Variants in TAFA2 observed in about 807,000 individuals in gnomAD.
TAFA2 encodes chemokine-like protein TAFA-2.
In TAFA2, 7 loss-of-function variants were observed where a neutral mutation model predicts 18.8. The observed-to-expected ratio is 0.37, with a 90% confidence interval of 0.21 to 0.70. The LOEUF (loss-of-function observed/expected upper bound fraction) is 0.70, where lower values mean the gene tolerates loss of function less well. Among genes scored for constraint, TAFA2 ranks in the 30% least tolerant of loss-of-function variants. The probability of loss-of-function intolerance (pLI) is 0.53; values close to 1 mark genes in which losing one functional copy is unlikely to be tolerated. For synonymous variants in TAFA2, 60 were observed against 54.2 expected, an observed-to-expected ratio of 1.11 and a Z score of -0.47; for missense variants, 122 against 158.1, an observed-to-expected ratio of 0.77 and a Z score of 1.23.
At chr12:61,891,370 C>T (rs547441827) in intron 1 of TAFA2, among the ~76,000 whole-genome samples, 8 of 152,108 alleles carry the variant, frequency 5.3e-5, no homozygotes, top group South Asian at 2.1e-4. Flanking sequence ...AGAAGGGCTG[C>T]GCGCAGTGGC....
At chr12:62,144,243 T>G (rs1342108416) in intron 1 of TAFA2, among the ~76,000 whole-genome samples, 2 of 152,046 alleles carry the variant, frequency 1.3e-5, no homozygotes, top group Non-Finnish European at 2.9e-5. Flanking sequence ...TTAGGCAACC[T>G]CCTGTAAGAA....
intron 2 of TAFA2, among the ~76,000 whole-genome samples, chr12:61,777,620 T>C (rs937760004): frequency 9.9e-5 from 15 of 151,410 alleles, no homozygotes; most frequent in African/African-American, 3.6e-4. Context: ...GATTCTAGAG[T>C]CAGACTACTT....
chr12:61,876,293 T>C (rs1441555591), intron 1 of TAFA2, among the ~76,000 whole-genome samples: 2 of 152,146 alleles, frequency 1.3e-5, no homozygotes, highest in Non-Finnish European at 1.5e-5. Flanking sequence ...ACCTCAGCTC[T>C]TTCTCCTGCA....
intron 1 of TAFA2, among the ~76,000 whole-genome samples, chr12:61,932,067 C>T (rs1877578409): frequency 6.6e-6 from 1 of 151,998 alleles, no homozygotes; most frequent in Admixed American, 6.6e-5. Context: ...AATTTTATAT[C>T]AGAAAATTAA....
chr12:62,038,354 C>T (rs1881666446), intron 1 of TAFA2, among the ~76,000 whole-genome samples: 1 of 152,186 alleles, frequency 6.6e-6, no homozygotes, highest in Non-Finnish European at 1.5e-5. Flanking sequence ...ACACTATCTT[C>T]CTTCTTTGTC....
chr12:61,739,367 A>C (rs76396410), intron 4 of TAFA2, among the ~76,000 whole-genome samples: 3,054 of 152,124 alleles, frequency 0.02, 119 homozygotes, highest in African/African-American at 0.07. Context: ...CAATGTCTCC[A>C]TCTGTCACTA....
At chr12:61,813,367 TAATC>T (rs961282834) in intron 2 of TAFA2, among the ~76,000 whole-genome samples, 39 of 151,388 alleles carry the variant, frequency 2.6e-4, no homozygotes, top group African/African-American at 3.7e-4. Flanking sequence ...TTTGAAGACT[TAATC>T]TATATAGTAA....
chr12:62,215,852 T>C (rs1462284716), intron 1 of TAFA2, among the ~76,000 whole-genome samples: 1 of 151,658 alleles, frequency 6.6e-6, no homozygotes, highest in African/African-American at 2.4e-5. Flanking sequence ...TCTTATATAA[T>C]AGCAGCTACT....
chr12:62,200,242 G>T (rs571607091), intron 1 of TAFA2, among the ~76,000 whole-genome samples: 51 of 152,252 alleles, frequency 3.3e-4, no homozygotes, highest in Non-Finnish European at 2.9e-5. Flanking sequence ...TTGCTGTGTA[G>T]AAGCTCTTTG....
At chr12:61,929,391 G>A (rs557652608) in intron 1 of TAFA2, among the ~76,000 whole-genome samples, 2 of 151,972 alleles carry the variant, frequency 1.3e-5, no homozygotes, top group African/African-American at 4.8e-5. Context: ...GCAGCCAAAA[G>A]ACACATGAAA....
intron 2 of TAFA2, among the ~76,000 whole-genome samples, chr12:61,819,407 G>A (rs1414219867): frequency 6.6e-6 from 1 of 152,102 alleles, no homozygotes; most frequent in Non-Finnish European, 1.5e-5. Flanking sequence ...GATAAAATGT[G>A]AAGATAAGCA....
intron 1 of TAFA2, among the ~76,000 whole-genome samples, chr12:62,203,050 C>T (rs904514479): frequency 2.6e-5 from 4 of 151,996 alleles, no homozygotes; most frequent in Admixed American, 1.3e-4. Context: ...TCGTCTTGAA[C>T]TCCTGACCTC....
At chr12:62,011,051 C>T (rs1349226259) in intron 1 of TAFA2, among the ~76,000 whole-genome samples, 1 of 149,302 alleles carries the variant, frequency 6.7e-6, no homozygotes, top group African/African-American at 2.5e-5. Context: ...AGGTGGGGGG[C>T]GTCTCTGCCC....
chr12:61,731,522 T>C (rs1240191788), intron 4 of TAFA2, among the ~76,000 whole-genome samples: 1 of 152,120 alleles, frequency 6.6e-6, no homozygotes, highest in Non-Finnish European at 1.5e-5. Context: ...TGGTTAAAAC[T>C]GCTGCTCATT....
intron 1 of TAFA2, among the ~76,000 whole-genome samples, chr12:61,869,428 A>G (rs1200762953): frequency 1.3e-5 from 2 of 152,204 alleles, no homozygotes; most frequent in Non-Finnish European, 2.9e-5. Flanking sequence ...CATTACTGTA[A>G]TCATTACTCA....
At chr12:61,862,143 A>G (rs1874156835) in intron 2 of TAFA2, among the ~76,000 whole-genome samples, 1 of 152,216 alleles carries the variant, frequency 6.6e-6, no homozygotes, top group South Asian at 2.1e-4. Flanking sequence ...ATTAAGGACT[A>G]TATTTTTCTG....
chr12:61,895,160 T>G (rs1875788546), intron 1 of TAFA2, among the ~76,000 whole-genome samples: 1 of 152,146 alleles, frequency 6.6e-6, no homozygotes, highest in Admixed American at 6.5e-5. Flanking sequence ...CGGATGGATG[T>G]ATGGATGTCC....
intron 2 of TAFA2, among the ~76,000 whole-genome samples, chr12:61,836,739 A>ATGTATG (rs1408943862): frequency 6.9e-5 from 9 of 130,382 alleles, no homozygotes; most frequent in Admixed American, 3.4e-4. Context: ...TTTGATATAT[A>ATGTATG]TATATATATA....
At chr12:61,809,406 T>C (rs1871767017) in intron 2 of TAFA2, among the ~76,000 whole-genome samples, 1 of 151,518 alleles carries the variant, frequency 6.6e-6, no homozygotes, top group Non-Finnish European at 1.5e-5. Context: ...ATGTTAGTTA[T>C]TATTCTTGAG....
Sources: gnomAD v4.1 joint callset for allele counts (sites outside exome capture counted in the v4.1 genomes callset) on GRCh38, gnomAD v4.1.1 for gene constraint, MANE v1.5 for transcripts, NCBI Gene and HGNC (gene_info 2026-07-23, HGNC 2026-07-21) for gene names.